STXBP6: variants seen among roughly 807,000 people sequenced by gnomAD.
STXBP6 encodes syntaxin binding protein 6, also known as syntaxin-binding protein 6.
A neutral mutation model predicts 26.9 loss-of-function variants in STXBP6; 21 were observed. That is an observed-to-expected ratio of 0.78 (90% CI 0.55 to 1.12). The LOEUF (loss-of-function observed/expected upper bound fraction) is 1.12. STXBP6 is among the 50% of genes most tolerant of loss of function. The pLI is 0.00. For synonymous variants in STXBP6, 97 were observed against 92.6 expected (o/e 1.05, Z -0.27); for missense variants, 232 against 257.9 (o/e 0.90, Z 0.69).
chr14:24,931,208 G>A (rs2072391022), intron 2 of STXBP6, among the ~76,000 whole-genome samples: 1 of 139,472 alleles, frequency 7.2e-6, no homozygotes, highest in Non-Finnish European at 1.5e-5. Flanking sequence ...GACACAGGAA[G>A]GGGAACATCA....
At chr14:25,014,595 GCA>G (rs915041061) in intron 1 of STXBP6, among the ~76,000 whole-genome samples, 3 of 152,212 alleles carry the variant, frequency 2.0e-5, no homozygotes, top group African/African-American at 4.8e-5. Flanking sequence ...ACCGTGCAAG[GCA>G]CAGAGTCCGT....
chr14:24,944,497 T>C (rs1300619329), intron 2 of STXBP6, among the ~76,000 whole-genome samples: 2 of 152,158 alleles, frequency 1.3e-5, no homozygotes, highest in Admixed American at 1.3e-4. Context: ...TAGTTCATAG[T>C]GTTCACCAGT....
intron 2 of STXBP6, among the ~76,000 whole-genome samples, chr14:24,899,803 A>AAAAAGC (rs2071144055): frequency 3.7e-5 from 3 of 80,112 alleles, no homozygotes; most frequent in Non-Finnish European, 6.6e-5. Context: ...AAAAAAAGCA[A>AAAAAGC]AAAAAAAAAA....
chr14:24,851,330 G>A (rs1406516619), intron 4 of STXBP6, among the ~76,000 whole-genome samples: 2 of 150,770 alleles, frequency 1.3e-5, no homozygotes, highest in East Asian at 3.9e-4. Context: ...TTGGTGTGCT[G>A]CACCCAGTAA....
At chr14:25,026,728 T>C (rs751555986) in intron 1 of STXBP6, among the ~76,000 whole-genome samples, 11 of 152,146 alleles carry the variant, frequency 7.2e-5, no homozygotes, top group Non-Finnish European at 1.5e-4. Context: ...GACTGACCCA[T>C]ATTTAGGCAA....
intron 2 of STXBP6, among the ~76,000 whole-genome samples, chr14:24,970,768 TA>T (rs1373520218): frequency 3.3e-5 from 5 of 152,220 alleles, no homozygotes; most frequent in African/African-American, 9.6e-5. Context: ...TGTTTGACTA[TA>T]AAAAACTGCC....
chr14:24,922,241 T>C (rs981813778), intron 2 of STXBP6, among the ~76,000 whole-genome samples: 2 of 152,036 alleles, frequency 1.3e-5, no homozygotes, highest in African/African-American at 2.4e-5. Context: ...GGGGGGCTTA[T>C]AGATATCAAA....
chr14:24,818,892 T>C (rs1474066430), intron 5 of STXBP6, 145 bp downstream of exon 5: 1 of 1,105,000 alleles, frequency 9.0e-7, no homozygotes, highest in East Asian at 2.6e-5. Context: ...CTCAGGTGTT[T>C]AGTAAGTAGC....
intron 1 of STXBP6, among the ~76,000 whole-genome samples, chr14:25,013,743 A>C (rs987810770): frequency 1.3e-5 from 2 of 152,094 alleles, no homozygotes; most frequent in Non-Finnish European, 2.9e-5. Flanking sequence ...TTTGACAAAA[A>C]AAAAAAAAAA....
chr14:24,817,454 T>C (rs2068009850), intron 5 of STXBP6: 1 of 154,778 alleles, frequency 6.5e-6, no homozygotes, highest in Non-Finnish European at 1.4e-5. Flanking sequence ...CTATTCTGTG[T>C]GGGAAGACAT....
intron 1 of STXBP6, among the ~76,000 whole-genome samples, chr14:25,020,923 A>C (rs1214186136): frequency 6.6e-6 from 1 of 152,196 alleles, no homozygotes; most frequent in Non-Finnish European, 1.5e-5. Context: ...GCACCTGGAC[A>C]CTGGAGAAAG....
chr14:24,894,513 A>C (rs1241600), intron 2 of STXBP6, among the ~76,000 whole-genome samples: 100,611 of 151,976 alleles, frequency 0.66, 33,429 homozygotes, highest in East Asian at 0.76. Flanking sequence ...AGGAAAGGTC[A>C]GTGTCCCCCA....
At chr14:24,845,946 C>A (rs2068946198) in intron 4 of STXBP6, among the ~76,000 whole-genome samples, 1 of 152,154 alleles carries the variant, frequency 6.6e-6, no homozygotes, top group Non-Finnish European at 1.5e-5. Flanking sequence ...GAAACAAATT[C>A]TTCCCTGGGG....
Position 25,037,239 on chromosome 14 carries a change from G to C in STXBP6, c.-33+12639C>G, listed in dbSNP as rs567586789. ...GAGCCCCATTTGACAGAGGCCCGGA[G>C]AGCTCCTGGGACTCTGAAATAGGAC... is the stretch of plus-strand genomic sequence containing the variant. On this transcript the variant is annotated intron_variant, in intron 1 of 5. Transcript: ENST00000323944. 7.9e-5 allele frequency among the ~76,000 whole-genome samples: 12 copies of C among 152,298 alleles called. No homozygotes were observed. In the East Asian group the frequency reaches 1.5e-3, roughly 20 times the overall value.
At chr14:24,916,584 G>A (rs950403447) in intron 2 of STXBP6, among the ~76,000 whole-genome samples, 1 of 152,106 alleles carries the variant, frequency 6.6e-6, no homozygotes, top group Non-Finnish European at 1.5e-5. Flanking sequence ...TGCAGGGTGT[G>A]TGGGGAGTGT....
chr14:24,858,113 T>C (rs769627959), intron 2 of STXBP6, among the ~76,000 whole-genome samples: 1 of 152,138 alleles, frequency 6.6e-6, no homozygotes, highest in South Asian at 2.1e-4. Context: ...CTGTGGCATA[T>C]TCTTTGTTTC....
chr14:25,029,918 G>A lies in STXBP6; in HGVS notation c.-33+19960C>T, dbSNP rs144262783. Among the ~76,000 whole-genome samples, 70 of 151,834 alleles carry A rather than the reference G, an allele frequency of 4.6e-4. No individual in the cohort carries two copies. In the East Asian group the frequency reaches 6.2e-3, roughly 13 times the overall value. The stretch of plus-strand genomic sequence containing the variant: ...CACTACTTGATTCTATCACACACCA[G>A]AGGCCAATAATAATAGCAATAGCTA... On this transcript the variant is annotated intron_variant, in intron 1 of 5. Transcript: ENST00000323944.
chr14:24,975,543 T>G (rs1432332827), intron 1 of STXBP6, among the ~76,000 whole-genome samples: 1 of 152,160 alleles, frequency 6.6e-6, no homozygotes, highest in Non-Finnish European at 1.5e-5. Context: ...GGATACATAA[T>G]TCTAAAAACA....
At position 24,958,949 on chromosome 14, in the gene STXBP6, A is replaced by G. The variant is rs570279210; in HGVS notation, c.154+15716T>C. 4.9e-4 allele frequency among the ~76,000 whole-genome samples: 74 copies of G among 152,338 alleles called. 2 individuals carry two copies. In the South Asian group the frequency reaches 0.015, roughly 30 times the overall value. On this transcript the variant is annotated intron_variant, in intron 2 of 5. Transcript: ENST00000323944. The stretch of plus-strand genomic sequence containing the variant: ...ATGCTTCCAACAGACACATAAGGAA[A>G]TAAGTGCTCTAGAACAATGATCTAA...
Sources: gnomAD v4.1 joint callset for allele counts (sites outside exome capture counted in the v4.1 genomes callset) on GRCh38, gnomAD v4.1.1 for gene constraint, MANE v1.5 for transcripts, NCBI Gene and HGNC (gene_info 2026-07-23, HGNC 2026-07-21) for gene names.